SCLT1: variants seen among roughly 807,000 people sequenced by gnomAD.
SCLT1 encodes sodium channel-associated protein 1.
In SCLT1, 78 loss-of-function variants were observed where a neutral mutation model predicts 112.8. That is an observed-to-expected ratio of 0.69 (90% CI 0.58 to 0.83). SCLT1 has a LOEUF of 0.83. Ranked by LOEUF, SCLT1 falls within the 40% of genes least tolerant of loss-of-function variation. The pLI, the probability that SCLT1 is intolerant of heterozygous loss-of-function variation, is 0.00. For synonymous variants in SCLT1, 257 were observed against 254.7 expected, an observed-to-expected ratio of 1.01 and a Z score of -0.09; for missense variants, 747 against 770.4, an observed-to-expected ratio of 0.97 and a Z score of 0.36.
chr4:128,991,198 C>T (rs1044203796), intron 9 of SCLT1, among the ~76,000 whole-genome samples: 5 of 151,830 alleles, frequency 3.3e-5, no homozygotes, highest in African/African-American at 1.2e-4. Context: ...TGTATAGTAA[C>T]CAAAACAGAA....
At chr4:128,873,726 T>C (rs536813610) in intron 5 of SCLT1, 2 of 152,438 alleles carry the variant, frequency 1.3e-5, no homozygotes, top group Admixed American at 6.5e-5. Flanking sequence ...TTCTCCTTAG[T>C]TTGTTAATAC....
At chr4:128,908,389 AAAAAAG>A (rs1560827757) in intron 18 of SCLT1, among the ~76,000 whole-genome samples, 1 of 150,830 alleles carries the variant, frequency 6.6e-6, no homozygotes, top group Non-Finnish European at 1.5e-5. Flanking sequence ...TTAAAAAAAA[AAAAAAG>A]AAAGAAAAAA....
chr4:128,914,301 G>C (rs1265900389), intron 18 of SCLT1, among the ~76,000 whole-genome samples: 6 of 151,852 alleles, frequency 4.0e-5, no homozygotes, highest in Admixed American at 3.9e-4. Flanking sequence ...AGGAGGTGGA[G>C]ATTGTAGTGA....
intron 2 of SCLT1, among the ~76,000 whole-genome samples, chr4:129,066,646 A>G (rs1750513421): frequency 1.3e-5 from 2 of 152,110 alleles, no homozygotes; most frequent in Admixed American, 6.6e-5. Flanking sequence ...TTCTTTGTCA[A>G]GAGAATGGAT....
chr4:128,902,104 T>C (rs1405158099), intron 18 of SCLT1, among the ~76,000 whole-genome samples: 1 of 151,992 alleles, frequency 6.6e-6, no homozygotes, highest in Non-Finnish European at 1.5e-5. Context: ...GATGTCTCAT[T>C]ATGTTGTCCA....
intron 1 of SCLT1, 118 bp downstream of exon 1, chr4:129,092,952 A>C: frequency 1.3e-6 from 1 of 779,360 alleles, no homozygotes; most frequent in African/African-American, 1.7e-5. Context: ...CCTGCAACTA[A>C]CTTCTTTAAC....
intron 2 of SCLT1, among the ~76,000 whole-genome samples, chr4:129,056,961 TGTGG>T (rs1280123109): frequency 6.6e-6 from 1 of 152,252 alleles, no homozygotes; most frequent in Non-Finnish European, 1.5e-5. Context: ...TAATGCTGGC[TGTGG>T]GTTTGTCATA....
At chr4:128,940,421 A>C (rs1478516569) in intron 17 of SCLT1, among the ~76,000 whole-genome samples, 2 of 152,022 alleles carry the variant, frequency 1.3e-5, no homozygotes, top group Non-Finnish European at 2.9e-5. Flanking sequence ...TCTAACTTCT[A>C]CATAATTGTT....
At chr4:128,983,465 G>T (rs1379340659) in intron 9 of SCLT1, among the ~76,000 whole-genome samples, 5 of 152,118 alleles carry the variant, frequency 3.3e-5, no homozygotes, top group African/African-American at 1.2e-4. Flanking sequence ...TAAAAATCTG[G>T]TAGAATGAAT....
intron 19 of SCLT1, among the ~76,000 whole-genome samples, chr4:128,889,454 G>C (rs1181335204): frequency 6.6e-6 from 1 of 152,176 alleles, no homozygotes; most frequent in Non-Finnish European, 1.5e-5. Flanking sequence ...CAGAAGCTGG[G>C]AGAAAGGCAT....
chr4:128,943,128 C>A lies in SCLT1; in HGVS notation c.1500G>T (p.Glu500Asp). The change falls in exon 17 of 21, where the codon GAG becomes GAT. Residue 500 changes from glutamate (E) to aspartate (D), a missense_variant. By Grantham distance (45) the Glu-to-Asp change is conservative. Around this residue, in one of 2 missense-constraint regions of SCLT1, gnomAD observed 723 missense variants for 721.3 expected, o/e 1.00. Transcript: ENST00000281142. ...EMIQKLQNVLESERENCGLVS... is the reference protein window; with the variant it reads ...EMIQKLQNVLDSERENCGLVS... ...CAAGCCCACAGTTCTCTCTCTCAGA[C>A]TCCAATACATTTTGAAGTTTCTGAA... 1 of 1,612,602 alleles carries A rather than the reference C, an allele frequency of 6.2e-7. No individual in the cohort carries two copies. Among genetic ancestry groups the A allele is most frequent in the African/African-American group, 1.3e-5 (1 of 74,954 alleles).
intron 17 of SCLT1, among the ~76,000 whole-genome samples, chr4:128,942,604 G>A (rs961419145): frequency 6.6e-6 from 1 of 152,072 alleles, no homozygotes; most frequent in African/African-American, 2.4e-5. Flanking sequence ...GGTTCTCAGA[G>A]CCTACTGCTT....
chr4:129,037,958 C>G (rs1173364747), intron 5 of SCLT1: 2 of 151,812 alleles, frequency 1.3e-5, no homozygotes, highest in Middle Eastern at 3.2e-3. Flanking sequence ...TGGTGAAACC[C>G]CGTCTCTACT....
intron 18 of SCLT1, among the ~76,000 whole-genome samples, chr4:128,896,206 C>T (rs931662735): frequency 1.3e-5 from 2 of 152,212 alleles, no homozygotes; most frequent in Non-Finnish European, 2.9e-5. Flanking sequence ...TCCCAGCACG[C>T]AGCTGGAGAT....
intron 10 of SCLT1, among the ~76,000 whole-genome samples, chr4:128,967,806 T>C (rs1326144505): frequency 6.6e-6 from 1 of 152,214 alleles, no homozygotes; most frequent in African/African-American, 2.4e-5. Flanking sequence ...GTCGTCTGTT[T>C]ACTCTGTTGA....
chr4:129,015,766 C>T (rs927412578), intron 5 of SCLT1, among the ~76,000 whole-genome samples: 13 of 152,130 alleles, frequency 8.5e-5, no homozygotes, highest in Admixed American at 2.0e-4. Context: ...CCCATTCCCC[C>T]GGAGCCACCA....
chr4:128,997,595 T>C lies in SCLT1; in HGVS notation c.615+279A>G, dbSNP rs552161390. Among the ~76,000 whole-genome samples the C allele has an allele frequency of 6.8e-4, 103 of 151,878 alleles. 1 individual carries two copies. Among genetic ancestry groups the C allele is most frequent in the Non-Finnish European group, 1.4e-3 (93 of 67,754 alleles). On this transcript the variant is annotated intron_variant, in intron 8 of 20. Coordinates refer to ENST00000281142, the MANE Select transcript of SCLT1 (RefSeq NM_144643.4). ...CAGGTGAAATAAAAAAAATTAAGCA[T>C]GTACTCTACTCTTGAGGAACTCACT...
chr4:128,987,353 G>A (rs1384018517), intron 9 of SCLT1, among the ~76,000 whole-genome samples: 1 of 152,132 alleles, frequency 6.6e-6, no homozygotes, highest in East Asian at 1.9e-4. Context: ...ACTAAATAAG[G>A]CACCAGTGTG....
At chr4:129,070,053 C>T (rs1399007600) in intron 2 of SCLT1, among the ~76,000 whole-genome samples, 4 of 152,056 alleles carry the variant, frequency 2.6e-5, no homozygotes, top group African/African-American at 9.7e-5. Context: ...TGTTGAGTAT[C>T]ACACGTATTG....
Sources: allele counts gnomAD v4.1 joint callset (sites outside exome capture counted in the v4.1 genomes callset), GRCh38; gene constraint gnomAD v4.1.1; regional missense constraint gnomAD v4.1.1; transcripts MANE v1.5; gene names NCBI Gene and HGNC (gene_info 2026-07-23, HGNC 2026-07-21).